The following ZBTB16 variants were observed in gnomAD, a reference collection of about 807,000 sequenced individuals.
ZBTB16 encodes zinc finger and BTB domain-containing protein 16.
ZBTB16 carries 8 observed loss-of-function variants against 56.8 expected under a neutral mutation model. The ratio of observed to expected loss-of-function variants is 0.14; its 90% CI spans 0.08 to 0.25. The LOEUF (loss-of-function observed/expected upper bound fraction) is 0.25. ZBTB16 is among the 10% of genes least tolerant of loss of function. The pLI is 1.00. For missense variants in ZBTB16, 625 were observed against 903.0 expected (o/e 0.69, Z 3.95); for synonymous variants, 363 against 368.5 (o/e 0.98, Z 0.17).
intron 2 of ZBTB16, among the ~76,000 whole-genome samples, chr11:114,102,271 G>A (rs1192391236): frequency 6.6e-6 from 1 of 152,180 alleles, no homozygotes; most frequent in Admixed American, 6.5e-5. Context: ...TCTTATCGTG[G>A]CTGTAAGGTG....
chr11:114,215,383 A>G (rs1194838577), intron 4 of ZBTB16, among the ~76,000 whole-genome samples: 1 of 152,112 alleles, frequency 6.6e-6, no homozygotes, highest in African/African-American at 2.4e-5. Context: ...TGGAGGATTG[A>G]GATGGGTTAC....
chr11:114,114,340 G>C (rs1329562500), intron 2 of ZBTB16, among the ~76,000 whole-genome samples: 1 of 152,160 alleles, frequency 6.6e-6, no homozygotes, highest in East Asian at 1.9e-4. Context: ...GGGACCACCG[G>C]GCTTCAGTGT....
At chr11:114,120,905 C>G (rs1051645618) in intron 2 of ZBTB16, among the ~76,000 whole-genome samples, 3 of 152,102 alleles carry the variant, frequency 2.0e-5, no homozygotes, top group Non-Finnish European at 4.4e-5. Flanking sequence ...CTCTGTGTTC[C>G]CTCTCCTGGG....
intron 4 of ZBTB16, among the ~76,000 whole-genome samples, chr11:114,198,566 T>C (rs1384335072): frequency 1.3e-5 from 2 of 152,174 alleles, no homozygotes; most frequent in Non-Finnish European, 2.9e-5. Context: ...CCCGATACTC[T>C]TTTTTAAATT....
intron 4 of ZBTB16, among the ~76,000 whole-genome samples, chr11:114,215,443 T>C (rs2135139172): frequency 6.6e-6 from 1 of 152,298 alleles, no homozygotes; most frequent in South Asian, 2.1e-4. Context: ...ATTGGCTCTT[T>C]CCAAAAAGGG....
At chr11:114,175,398 C>A (rs1482044425) in intron 3 of ZBTB16, among the ~76,000 whole-genome samples, 1 of 152,086 alleles carries the variant, frequency 6.6e-6, no homozygotes, top group Non-Finnish European at 1.5e-5. Flanking sequence ...ACTTTACATG[C>A]AATATACCAG....
Position 114,256,547 on chromosome 11 carries a change from G to C in ZBTB16, c.*5992G>C, listed in dbSNP as rs1945020112. Reference sequence around the variant, plus strand: ...TCTCACGTCTTCTTTAGTCTTTAGAGAGACATTTTCAACTGACTCCTTAGT... The same window carrying C: ...TCTCACGTCTTCTTTAGTCTTTAGACAGACATTTTCAACTGACTCCTTAGT... On this transcript the variant is annotated 3_prime_UTR_variant, in exon 7 of 7. Coordinates refer to ENST00000335953, the MANE Select transcript of ZBTB16 (RefSeq NM_006006.6). 6.6e-6 allele frequency among the ~76,000 whole-genome samples: 1 copy of C among 152,202 alleles called. No homozygotes were observed. Among genetic ancestry groups the C allele is most frequent in the Admixed American group, 6.5e-5 (1 of 15,278 alleles).
Position 114,141,972 on chromosome 11 carries a change from T to C in ZBTB16, c.1269-14365T>C, listed in dbSNP as rs143590571. Among the ~76,000 whole-genome samples, 630 of 152,348 alleles carry C rather than the reference T, an allele frequency of 4.1e-3. 2 individuals carry two copies. Among genetic ancestry groups the C allele is most frequent in the Non-Finnish European group, 5.0e-3 (340 of 68,036 alleles). On this transcript the variant is annotated intron_variant, in intron 2 of 6. Coordinates refer to ENST00000335953, the MANE Select transcript of ZBTB16 (RefSeq NM_006006.6). ...ACCAATATCATCTAAACGTTGTTGG[T>C]ATTACAGTTATCACTTTTCGTGTCT...
chr11:114,081,518 G>C (rs1288792234), intron 2 of ZBTB16, among the ~76,000 whole-genome samples: 1 of 152,168 alleles, frequency 6.6e-6, no homozygotes, highest in East Asian at 1.9e-4. Context: ...ACCTTGTTGA[G>C]CACTTACTGT....
chr11:114,172,766 T>G (rs554325395), intron 3 of ZBTB16, among the ~76,000 whole-genome samples: 2 of 152,276 alleles, frequency 1.3e-5, no homozygotes, highest in African/African-American at 4.8e-5. Flanking sequence ...CAAACAAACC[T>G]TTCTGTTTTC....
At chr11:114,082,022 C>T (rs1328344326) in intron 2 of ZBTB16, among the ~76,000 whole-genome samples, 1 of 150,814 alleles carries the variant, frequency 6.6e-6, no homozygotes, top group Non-Finnish European at 1.5e-5. Flanking sequence ...TGGCTCACAC[C>T]TGTCATCCCA....
At chr11:114,193,508 G>A (rs1230702700) in intron 4 of ZBTB16, among the ~76,000 whole-genome samples, 1 of 152,152 alleles carries the variant, frequency 6.6e-6, no homozygotes, top group African/African-American at 2.4e-5. Context: ...GACTCTTTCC[G>A]ACATGTGGCA....
intron 4 of ZBTB16, among the ~76,000 whole-genome samples, chr11:114,198,024 GAAA>G (rs36102991): frequency 3.4e-5 from 5 of 145,228 alleles, no homozygotes; most frequent in Non-Finnish European, 6.0e-5. Flanking sequence ...AACTTTACAT[GAAA>G]AAAAAAAAAA....
At chr11:114,093,166 G>T (rs1233996965) in intron 2 of ZBTB16, among the ~76,000 whole-genome samples, 1 of 152,130 alleles carries the variant, frequency 6.6e-6, no homozygotes, top group African/African-American at 2.4e-5. Flanking sequence ...TTTTGCCTGT[G>T]CCCTTTAATT....
chr11:114,112,927 G>C (rs895248355), intron 2 of ZBTB16, among the ~76,000 whole-genome samples: 1 of 151,744 alleles, frequency 6.6e-6, no homozygotes, highest in Non-Finnish European at 1.5e-5. Context: ...ACCATACCTA[G>C]GTTTTTAAAT....
At chr11:114,202,190 C>G (rs940666216) in intron 4 of ZBTB16, among the ~76,000 whole-genome samples, 1 of 152,112 alleles carries the variant, frequency 6.6e-6, no homozygotes, top group African/African-American at 2.4e-5. Flanking sequence ...TTTCTTACAC[C>G]GACATAAGGA....
At chr11:114,167,503 G>A (rs1176948192) in intron 3 of ZBTB16, among the ~76,000 whole-genome samples, 2 of 145,816 alleles carry the variant, frequency 1.4e-5, no homozygotes, top group South Asian at 2.2e-4. Context: ...CACCTTTGAT[G>A]TGGTAAATGG....
intron 4 of ZBTB16, among the ~76,000 whole-genome samples, chr11:114,237,817 C>A (rs957865430): frequency 2.0e-5 from 3 of 152,316 alleles, no homozygotes; most frequent in East Asian, 1.9e-4. Context: ...ACATCTCCCC[C>A]ACTTTTCCAT....
At chr11:114,061,148 T>TG (rs145426608) in intron 1 of ZBTB16, among the ~76,000 whole-genome samples, 2,686 of 129,968 alleles carry the variant, frequency 0.021, 68 homozygotes, top group African/African-American at 0.064. Flanking sequence ...CGCTGGGAAC[T>TG]GGGGGGGTGT....
Sources: gnomAD v4.1 joint callset for allele counts (sites outside exome capture counted in the v4.1 genomes callset) on GRCh38, gnomAD v4.1.1 for gene constraint, MANE v1.5 for transcripts, NCBI Gene and HGNC (gene_info 2026-07-23, HGNC 2026-07-21) for gene names.